The following ITIH6 variants were observed in gnomAD, a reference collection of about 807,000 sequenced individuals.
ITIH6 encodes inter-alpha-trypsin inhibitor heavy chain H6.
In ITIH6, 60 loss-of-function variants were observed where a neutral mutation model predicts 58.2. The ratio of observed to expected loss-of-function variants is 1.03; its 90% CI spans 0.84 to 1.28. ITIH6 has a LOEUF of 1.28. Ranked by LOEUF, ITIH6 falls within the 50% of genes most tolerant of loss-of-function variation. The pLI is 0.00. For synonymous variants in ITIH6, 493 were observed against 417.4 expected, an observed-to-expected ratio of 1.18 and a Z score of -2.21; for missense variants, 1,290 against 1,021.1, an observed-to-expected ratio of 1.26 and a Z score of -3.59.
intron 6 of ITIH6, among the ~76,000 whole-genome samples, chrX:54,763,579 C>A (rs1602054664): frequency 8.9e-6 from 1 of 111,858 alleles, no homozygotes; most frequent in East Asian, 2.8e-4. Context: ...GGATATGGTC[C>A]ATCTTGGTAA....
chrX:54,758,920 C>T lies in ITIH6; in HGVS notation c.1154G>A (p.Ser385Asn), dbSNP rs1341408617. Residue 385 changes from serine (S) to asparagine (N), a missense_variant, in exon 8 of 13, where the codon AGT (serine) becomes AAT (asparagine). Coordinates refer to ENST00000218436, the MANE Select transcript of ITIH6 (RefSeq NM_198510.3). ...HSNQEPGRGP[S>N]VGRIPLIIFL... ...GATGATAAGAGGGATCCTCCCCACA[C>T]TGGGGCCCCTCCCAGGCTCCTGGTT... The T allele has an allele frequency of 5.0e-6, 6 of 1,207,369 alleles. No individual in the cohort carries two copies. Among genetic ancestry groups the T allele is most frequent in the Non-Finnish European group, 5.6e-6 (5 of 893,098 alleles).
chrX:54,787,551 T>C (rs1398965969), intron 5 of ITIH6: 1 of 111,435 alleles, frequency 9.0e-6, no homozygotes, highest in Non-Finnish European at 1.9e-5. Context: ...TCAGAGTCAA[T>C]GAGTACAGGA....
intron 6 of ITIH6, among the ~76,000 whole-genome samples, chrX:54,772,084 C>T (rs1928963378): frequency 8.9e-6 from 1 of 112,285 alleles, no homozygotes; most frequent in Non-Finnish European, 1.9e-5. Flanking sequence ...ATAGCAAAGA[C>T]ATGGAATCAA....
At chrX:54,771,157 G>A (rs958061747) in intron 6 of ITIH6, among the ~76,000 whole-genome samples, 9 of 111,581 alleles carry the variant, frequency 8.1e-5, no homozygotes, top group Non-Finnish European at 1.7e-4. Context: ...GATATGCCTA[G>A]GTGTAGATTG....
At chrX:54,756,163 C>T (rs1360890009) in intron 8 of ITIH6, among the ~76,000 whole-genome samples, 1 of 111,003 alleles carries the variant, frequency 9.0e-6, no homozygotes, top group Non-Finnish European at 1.9e-5. Context: ...GGATGTCATA[C>T]CCAAATTTGC....
chrX:54,760,518 C>T (rs1928612810), intron 6 of ITIH6, among the ~76,000 whole-genome samples: 1 of 111,280 alleles, frequency 9.0e-6, no homozygotes, highest in Non-Finnish European at 1.9e-5. Flanking sequence ...TATACATGTG[C>T]CATGTTGGTG....
At chrX:54,760,802 G>A (rs1928623711) in intron 6 of ITIH6, among the ~76,000 whole-genome samples, 1 of 111,669 alleles carries the variant, frequency 9.0e-6, no homozygotes, top group Non-Finnish European at 1.9e-5. Context: ...ATTCCATGGT[G>A]TATATGTGCC....
chrX:54,765,999 C>T (rs899632672), intron 6 of ITIH6, among the ~76,000 whole-genome samples: 5 of 111,231 alleles, frequency 4.5e-5, no homozygotes, highest in Non-Finnish European at 9.4e-5. Flanking sequence ...GCCATTTTCA[C>T]GATATTGATT....
intron 6 of ITIH6, among the ~76,000 whole-genome samples, chrX:54,767,766 T>C (rs1427939836): frequency 9.9e-6 from 1 of 101,409 alleles, no homozygotes; most frequent in African/African-American, 3.9e-5. Context: ...TAGTTTGTTA[T>C]AATTTCTGTT....
chrX:54,779,508 C>G (rs1335275157), intron 5 of ITIH6, among the ~76,000 whole-genome samples: 1 of 110,718 alleles, frequency 9.0e-6, no homozygotes, highest in Non-Finnish European at 1.9e-5. Flanking sequence ...TTACAGGCCT[C>G]ATGGTAACCT....
chrX:54,757,230 C>T lies in ITIH6; in HGVS notation c.2844G>A (p.Pro948=), dbSNP rs146045090. The change falls in exon 8 of 13, where the codon CCG becomes CCA. Residue 948 remains proline (P), a synonymous_variant. Transcript: ENST00000218436. ...GAACTTGCCTGGTCCTCTGGGGACC[C>T]GGGAGGAGGTCATACTGATGCCAGA... The part of the protein sequence containing the change: ...GRFWHQYDLL[P]GPQRTRQVLG... The T allele has an allele frequency of 2.2e-4, 257 of 1,193,018 alleles. 1 individual carries two copies. In the African/African-American group the frequency reaches 3.7e-3, roughly 17 times the overall value.
In ITIH6 at chrX:54,751,164, T is replaced by C. The variant is rs1208437805; in HGVS notation, c.3569A>G (p.Tyr1190Cys). ...ALLKRPQLEL[Y>C]VAAAARLTLR... Reference sequence around the variant, plus strand: ...GGTAAGGCGGGCTGCAGCAGCCACATAGAGCTCCAGCTGGGGCCTCTTCAG... The same window carrying C: ...GGTAAGGCGGGCTGCAGCAGCCACACAGAGCTCCAGCTGGGGCCTCTTCAG... Residue 1190 changes from tyrosine (Y) to cysteine (C), a missense_variant, in exon 12 of 13, where the codon TAT (tyrosine) becomes TGT (cysteine). By Grantham distance (194) the Tyr-to-Cys change is radical. Coordinates refer to ENST00000218436, the MANE Select transcript of ITIH6 (RefSeq NM_198510.3). 7 of 1,209,733 alleles carry C rather than the reference T, an allele frequency of 5.8e-6. No homozygotes were observed. Among genetic ancestry groups the C allele is most frequent in the Admixed American group, 4.4e-5 (2 of 45,794 alleles).
intron 6 of ITIH6, among the ~76,000 whole-genome samples, chrX:54,772,480 A>T (rs549551423): frequency 1.8e-5 from 2 of 112,498 alleles, no homozygotes; most frequent in Non-Finnish European, 3.7e-5. Flanking sequence ...AAACCTGCTC[A>T]TGTATCCACT....
At chrX:54,795,003 T>A (rs987166583) in intron 2 of ITIH6, among the ~76,000 whole-genome samples, 2 of 111,950 alleles carry the variant, frequency 1.8e-5, no homozygotes, top group Non-Finnish European at 3.8e-5. Flanking sequence ...TACTCTCCAC[T>A]ACAGTCAGGT....
intron 6 of ITIH6, among the ~76,000 whole-genome samples, chrX:54,766,539 T>G (rs1569544042): frequency 2.1e-5 from 1 of 46,623 alleles, no homozygotes; most frequent in Non-Finnish European, 3.6e-5. Context: ...CATAGATAGC[T>G]CTTATTATTT....
In ITIH6 at chrX:54,749,852, A is replaced by G. The variant is rs774940869; in HGVS notation, c.*43T>C. 2 of 1,122,882 alleles carry G rather than the reference A, an allele frequency of 1.8e-6. No homozygotes were observed. The highest frequency in any genetic ancestry group is 1.8e-5 in the African/African-American group (1 of 55,103). The allele number at this position is 1,122,882 out of a possible 1,213,427, so 92.5% of individuals were successfully genotyped here. On this transcript the variant is annotated 3_prime_UTR_variant, in exon 13 of 13. Coordinates refer to ENST00000218436, the MANE Select transcript of ITIH6 (RefSeq NM_198510.3). ...GCTCACCCCATGCCCTGGTTTCTGG[A>G]TCTCCCAAATTCAGGTCTCCTGGCT...
At chrX:54,754,422 G>A (rs1339099154) in intron 9 of ITIH6, among the ~76,000 whole-genome samples, 3 of 112,032 alleles carry the variant, frequency 2.7e-5, no homozygotes, top group African/African-American at 9.7e-5. Flanking sequence ...TTGAACTTAT[G>A]AAGGGTATAT....
Position 54,774,051 on chromosome X carries a change from A to G in ITIH6, c.903+30T>C, listed in dbSNP as rs775376589. 12 of 921,429 alleles carry G rather than the reference A, an allele frequency of 1.3e-5. No homozygotes were observed. The South Asian group carries it at 2.2e-4, about 17-fold the overall frequency. The allele number at this position is 921,429 out of a possible 1,213,427, so 75.9% of individuals were successfully genotyped here. A position where few individuals can be genotyped will look rare whatever the true frequency, so the allele number is the denominator to read the frequency against. On this transcript the variant is annotated intron_variant, in intron 6 of 12. Coordinates refer to ENST00000218436, the MANE Select transcript of ITIH6 (RefSeq NM_198510.3). ...GCTTTCTGGGTCTTCTGATACTAGGACTAAGAAAGGTTTCCAGGATCCTTG... is the reference window on the plus strand; with the variant it reads ...GCTTTCTGGGTCTTCTGATACTAGGGCTAAGAAAGGTTTCCAGGATCCTTG...
intron 5 of ITIH6, chrX:54,787,279 C>T (rs1300154132): frequency 8.9e-6 from 1 of 112,398 alleles, no homozygotes; most frequent in Non-Finnish European, 1.9e-5. Flanking sequence ...TGTTCCTTCT[C>T]TCTGCATGTC....
Sources: gnomAD v4.1 joint callset for allele counts (sites outside exome capture counted in the v4.1 genomes callset) on GRCh38, gnomAD v4.1.1 for gene constraint, MANE v1.5 for transcripts, NCBI Gene and HGNC (gene_info 2026-07-23, HGNC 2026-07-21) for gene names.